The following PACRG variants were observed in gnomAD, a reference collection of about 807,000 sequenced individuals.
PACRG encodes the protein parkin coregulated gene protein.
In PACRG, 29 loss-of-function variants were observed where a neutral mutation model predicts 29.7. The observed-to-expected ratio is 0.98, with a 90% CI of 0.73 to 1.33. The LOEUF is 1.33. Among genes scored for constraint, PACRG ranks in the 40% most tolerant of loss-of-function variants. PACRG has a pLI of 0.00. For synonymous variants in PACRG, 116 were observed against 118.7 expected (o/e 0.98, Z 0.15); for missense variants, 279 against 316.2 (o/e 0.88, Z 0.89).
chr6:163,077,814 A>G (rs1812682219), intron 3 of PACRG, among the ~76,000 whole-genome samples: 1 of 152,192 alleles, frequency 6.6e-6, no homozygotes, highest in African/African-American at 2.4e-5. Context: ...TAGACAGTAA[A>G]GTTTGCCTGG....
intron 4 of PACRG, among the ~76,000 whole-genome samples, chr6:163,263,020 C>T (rs1783390575): frequency 6.6e-6 from 1 of 150,790 alleles, no homozygotes; most frequent in South Asian, 2.1e-4. Flanking sequence ...CACTGCACTA[C>T]AGCCTGGGCA....
intron 4 of PACRG, among the ~76,000 whole-genome samples, chr6:163,206,441 C>T (rs896344172): frequency 6.6e-6 from 1 of 152,042 alleles, no homozygotes; most frequent in African/African-American, 2.4e-5. Context: ...CCTAAGCAAG[C>T]TAACACAGGA....
chr6:163,027,719 A>G (rs944671443), intron 2 of PACRG, among the ~76,000 whole-genome samples: 1 of 152,230 alleles, frequency 6.6e-6, no homozygotes, highest in African/African-American at 2.4e-5. Flanking sequence ...AAGCACTTCT[A>G]TAAAGGCTCT....
intron 4 of PACRG, among the ~76,000 whole-genome samples, chr6:163,197,170 A>T (rs942526179): frequency 1.3e-5 from 2 of 152,156 alleles, no homozygotes; most frequent in Non-Finnish European, 2.9e-5. Flanking sequence ...ATGTGTCAAT[A>T]CCTGATTTTT....
chr6:163,173,820 AC>A (rs1779212230), intron 4 of PACRG, among the ~76,000 whole-genome samples: 1 of 152,146 alleles, frequency 6.6e-6, no homozygotes, highest in African/African-American at 2.4e-5. Flanking sequence ...CCTAGTTAAA[AC>A]CTTGGGGTTA....
intron 1 of PACRG, among the ~76,000 whole-genome samples, chr6:162,794,570 G>A (rs1290295986): frequency 6.6e-6 from 1 of 152,020 alleles, no homozygotes; most frequent in Non-Finnish European, 1.5e-5. Context: ...TTTTCATATG[G>A]TTTGGCCTCC....
intron 2 of PACRG, among the ~76,000 whole-genome samples, chr6:162,886,162 A>G (rs1794316299): frequency 6.6e-6 from 1 of 152,004 alleles, no homozygotes; most frequent in African/African-American, 2.4e-5. Flanking sequence ...TGACCTCATG[A>G]TCTACCCGCC....
chr6:163,141,139 G>A (rs565250823), intron 4 of PACRG, among the ~76,000 whole-genome samples: 3 of 152,202 alleles, frequency 2.0e-5, no homozygotes, highest in African/African-American at 7.2e-5. Context: ...TCAGCAGCCC[G>A]AGACACAAGG....
chr6:163,166,045 T>A, intron 4 of PACRG: 1 of 453,846 alleles, frequency 2.2e-6, no homozygotes, highest in South Asian at 1.6e-5. Flanking sequence ...TTCATCTAAA[T>A]CCGAGTGTAA....
At chr6:162,981,617 T>C (rs1188247068) in intron 2 of PACRG, among the ~76,000 whole-genome samples, 1 of 152,102 alleles carries the variant, frequency 6.6e-6, no homozygotes, top group Non-Finnish European at 1.5e-5. Context: ...AATTTGTAAG[T>C]TGCTTTTGGC....
chr6:163,204,747 G>GAGAA (rs1177377159), intron 4 of PACRG, among the ~76,000 whole-genome samples: 1 of 152,184 alleles, frequency 6.6e-6, no homozygotes, highest in Admixed American at 6.5e-5. Context: ...AATCGGGCAT[G>GAGAA]AGAAAGAAAG....
intron 4 of PACRG, among the ~76,000 whole-genome samples, chr6:163,116,791 C>G (rs1255645588): frequency 6.6e-6 from 1 of 152,122 alleles, no homozygotes; most frequent in Non-Finnish European, 1.5e-5. Context: ...GTATGGGCTG[C>G]AGAGAAGAAG....
At chr6:163,210,580 G>T (rs1346946787) in intron 4 of PACRG, among the ~76,000 whole-genome samples, 1 of 152,210 alleles carries the variant, frequency 6.6e-6, no homozygotes, top group Non-Finnish European at 1.5e-5. Context: ...AAAGCACATG[G>T]ATGATATCTA....
Position 162,728,082 on chromosome 6 carries a change from C to A in PACRG, c.-154C>A, listed in dbSNP as rs971866553. ...TCCAGCTCCCTTCACCTAGGAGCTGCCAAACATCTGGATCAACCTGGGCAC... is the reference window on the plus strand; with the variant it reads ...TCCAGCTCCCTTCACCTAGGAGCTGACAAACATCTGGATCAACCTGGGCAC... On this transcript the variant is annotated 5_prime_UTR_variant, in exon 1 of 5. Coordinates refer to ENST00000366888, the MANE Select transcript of PACRG (RefSeq NM_001080379.2). 4.3e-6 allele frequency: 4 copies of A among 936,040 alleles called. No homozygotes were observed. The highest frequency in any genetic ancestry group is 2.3e-5 in the Admixed American group (1 of 44,212). The allele number at this position is 936,040 out of a possible 1,614,324, so 58.0% of individuals were successfully genotyped here.
chr6:163,143,858 A>C (rs1777660145), intron 4 of PACRG, among the ~76,000 whole-genome samples: 1 of 152,130 alleles, frequency 6.6e-6, no homozygotes, highest in Non-Finnish European at 1.5e-5. Flanking sequence ...AAAGACCAAG[A>C]GGTCGGTGTG....
At chr6:162,783,360 T>G (rs139079642) in intron 1 of PACRG, among the ~76,000 whole-genome samples, 49 of 152,066 alleles carry the variant, frequency 3.2e-4, no homozygotes, top group African/African-American at 1.2e-3. Context: ...TGAATGATAT[T>G]TTTAGACTAC....
intron 2 of PACRG, among the ~76,000 whole-genome samples, chr6:163,056,703 A>G (rs1810620925): frequency 1.3e-5 from 2 of 152,160 alleles, no homozygotes; most frequent in South Asian, 2.1e-4. Flanking sequence ...CTCTTATACG[A>G]GGAGGAATAG....
In PACRG at chr6:162,975,788, CCCTTT is replaced by C. The variant is rs557074425; in HGVS notation, c.292-86361_292-86357del. Among the ~76,000 whole-genome samples the C allele has an allele frequency of 2.7e-3, 405 of 151,772 alleles. 5 individuals are homozygous for C. The highest frequency in any genetic ancestry group is 9.2e-3 in the African/African-American group (380 of 41,398). ...TTCTTCTCTCCCTCCCTTCTTCTCT[CCCTTT>C]TCTCCCTTTTTCCTTCTTGCCTTCC... On this transcript the variant is annotated intron_variant, in intron 2 of 4. Coordinates refer to ENST00000366888, the MANE Select transcript of PACRG (RefSeq NM_001080379.2).
At chr6:162,747,370 A>ATG (rs1781112296) in intron 1 of PACRG, among the ~76,000 whole-genome samples, 3 of 50,548 alleles carry the variant, frequency 5.9e-5, no homozygotes, top group African/African-American at 1.0e-4. Context: ...ATATACACAT[A>ATG]CATATATATG....
Sources: gnomAD v4.1 joint callset for allele counts (sites outside exome capture counted in the v4.1 genomes callset) on GRCh38, gnomAD v4.1.1 for gene constraint, MANE v1.5 for transcripts, NCBI Gene and HGNC (gene_info 2026-07-23, HGNC 2026-07-21) for gene names.